The following AGBL4 variants were observed in gnomAD, a reference collection of about 807,000 sequenced individuals.
The protein encoded by AGBL4 is cytosolic carboxypeptidase 6.
In AGBL4, 58 loss-of-function variants were observed where a neutral mutation model predicts 66.4. The observed-to-expected ratio is 0.87, with a 90% confidence interval of 0.71 to 1.09. The LOEUF is 1.09. Among genes scored for constraint, AGBL4 ranks in the 50% least tolerant of loss-of-function variants. The pLI is 0.00. For missense variants in AGBL4, 579 were observed against 631.0 expected, an observed-to-expected ratio of 0.92 and a Z score of 0.88; for synonymous variants, 234 against 222.9, an observed-to-expected ratio of 1.05 and a Z score of -0.44.
At chr1:49,976,661 A>G (rs748272061) in intron 1 of AGBL4, among the ~76,000 whole-genome samples, 9 of 152,250 alleles carry the variant, frequency 5.9e-5, no homozygotes, top group Non-Finnish European at 1.3e-4. Context: ...TTGTGCTACA[A>G]AATGGCATCA....
intron 5 of AGBL4, among the ~76,000 whole-genome samples, chr1:48,958,849 A>C (rs1352293280): frequency 6.6e-6 from 1 of 152,200 alleles, no homozygotes; most frequent in Non-Finnish European, 1.5e-5. Context: ...GGAGTTCTTA[A>C]CAATTTTTTA....
intron 1 of AGBL4, among the ~76,000 whole-genome samples, chr1:49,942,964 C>A (rs1376450369): frequency 2.0e-5 from 3 of 152,090 alleles, no homozygotes; most frequent in African/African-American, 7.2e-5. Flanking sequence ...CAATATCAAT[C>A]AATAAATAGA....
At chr1:48,992,324 G>A (rs1480744569) in intron 5 of AGBL4, among the ~76,000 whole-genome samples, 1 of 151,672 alleles carries the variant, frequency 6.6e-6, no homozygotes, top group Non-Finnish European at 1.5e-5. Context: ...GGAGACTCTT[G>A]TTCTCTTCCT....
chr1:49,751,574 T>A (rs1651470713), intron 2 of AGBL4, among the ~76,000 whole-genome samples: 2 of 152,176 alleles, frequency 1.3e-5, no homozygotes, highest in Admixed American at 1.3e-4. Context: ...GGTTTTAGTA[T>A]CAGAATGATG....
chr1:49,459,685 C>A (rs2148695942), intron 3 of AGBL4, among the ~76,000 whole-genome samples: 2 of 151,440 alleles, frequency 1.3e-5, no homozygotes, highest in African/African-American at 2.4e-5. Flanking sequence ...GATCTTTGTT[C>A]TTTTCTTCTG....
At position 49,648,334 on chromosome 1, in the gene AGBL4, G is replaced by GA. The variant is rs200604507; in HGVS notation, c.282+48978dup. On this transcript the variant is annotated intron_variant, in intron 3 of 13. Coordinates refer to ENST00000371839, the MANE Select transcript of AGBL4 (RefSeq NM_032785.4). The stretch of plus-strand genomic sequence containing the variant: ...GGAAAAGCAAAGGAAAAAATGACAG[G>GA]AAAAAAAAAAACCAAGAACAGAATA... Among the ~76,000 whole-genome samples, 313 of 141,154 alleles carry GA rather than the reference G, an allele frequency of 2.2e-3. 1 individual carries two copies. The highest frequency in any genetic ancestry group is 0.016 in the South Asian group (70 of 4,462). 92.6% of individuals were successfully genotyped at this position (141,154 alleles called of 152,430 possible).
At chr1:49,237,234 G>C (rs906433263) in intron 4 of AGBL4, among the ~76,000 whole-genome samples, 25 of 151,490 alleles carry the variant, frequency 1.7e-4, no homozygotes, top group African/African-American at 5.1e-4. Flanking sequence ...CTGCACTCCA[G>C]CCTGGGCCAC....
At chr1:49,071,333 G>A (rs985385506) in intron 4 of AGBL4, among the ~76,000 whole-genome samples, 2 of 151,922 alleles carry the variant, frequency 1.3e-5, no homozygotes, top group African/African-American at 2.4e-5. Flanking sequence ...TAATTGTGGT[G>A]TTAGGGTGTC....
In AGBL4 at chr1:49,071,871, G is replaced by A. The variant is rs553537746; in HGVS notation, c.378-26071C>T. ...TTAAAGTCTCCCACTATTATTGTGT[G>A]GGTGTCTAAGTGTCTTTGTATGTCT... On this transcript the variant is annotated intron_variant, in intron 4 of 13. Coordinates refer to ENST00000371839, the MANE Select transcript of AGBL4 (RefSeq NM_032785.4). 2.2e-4 allele frequency among the ~76,000 whole-genome samples: 33 copies of A among 150,084 alleles called. No individual in the cohort carries two copies. The South Asian group carries it at 6.9e-3, about 31-fold the overall frequency.
intron 5 of AGBL4, among the ~76,000 whole-genome samples, chr1:48,887,978 G>A (rs1650538278): frequency 6.6e-6 from 1 of 152,104 alleles, no homozygotes; most frequent in Non-Finnish European, 1.5e-5. Flanking sequence ...ATTCCTCTTG[G>A]AGTTCATGGC....
intron 3 of AGBL4, among the ~76,000 whole-genome samples, chr1:49,441,053 G>C (rs545439364): frequency 2.6e-5 from 4 of 152,194 alleles, no homozygotes; most frequent in African/African-American, 9.6e-5. Flanking sequence ...GCAGTTGCCA[G>C]GCAAAATAAT....
At position 49,441,164 on chromosome 1, in the gene AGBL4, G is replaced by A. The variant is rs141727021; in HGVS notation, c.283-195300C>T. ...CCGGTGGGCCCCTAGGTGTAAGGTC[G>A]AGAGTGTGACCCATAAAGAGTTGTG... On this transcript the variant is annotated intron_variant, in intron 3 of 13. Transcript: ENST00000371839. Among the ~76,000 whole-genome samples the A allele has an allele frequency of 3.1e-3, 471 of 152,250 alleles. 2 individuals are homozygous for A. The highest frequency in any genetic ancestry group is 0.018 in the South Asian group (87 of 4,816).
intron 1 of AGBL4, among the ~76,000 whole-genome samples, chr1:49,975,474 A>G (rs1475327790): frequency 6.6e-6 from 1 of 152,178 alleles, no homozygotes; most frequent in Non-Finnish European, 1.5e-5. Flanking sequence ...CAAGTAACCA[A>G]TGAAATTCCA....
the AGBL4 span, among the ~76,000 whole-genome samples, chr1:48,523,452 T>G: frequency 6.6e-6 from 1 of 152,216 alleles, no homozygotes; most frequent in Non-Finnish European, 1.5e-5. Flanking sequence ...AATTCCATTC[T>G]GTGGGTGAGG....
chr1:48,813,395 T>C (rs924214514), intron 6 of AGBL4, among the ~76,000 whole-genome samples: 4 of 151,992 alleles, frequency 2.6e-5, no homozygotes, highest in African/African-American at 9.7e-5. Context: ...AAATAAGCAA[T>C]GGGAAAATCA....
At chr1:48,872,944 T>C (rs1225183005) in intron 5 of AGBL4, among the ~76,000 whole-genome samples, 1 of 152,136 alleles carries the variant, frequency 6.6e-6, no homozygotes, top group Non-Finnish European at 1.5e-5. Context: ...AATACTAGGA[T>C]TTCCGAGTGC....
At chr1:48,878,520 A>C (rs187524732) in intron 5 of AGBL4, among the ~76,000 whole-genome samples, 1 of 152,302 alleles carries the variant, frequency 6.6e-6, no homozygotes, top group Non-Finnish European at 1.5e-5. Context: ...TTTAATTCCA[A>C]GACCCCTTGT....
intron 2 of AGBL4, among the ~76,000 whole-genome samples, chr1:49,825,120 T>G (rs984998364): frequency 4.6e-5 from 7 of 152,326 alleles, no homozygotes; most frequent in East Asian, 1.9e-4. Context: ...CAATATATTG[T>G]TTTCAAAACA....
At chr1:49,559,868 A>C (rs555291401) in intron 3 of AGBL4, among the ~76,000 whole-genome samples, 1 of 152,102 alleles carries the variant, frequency 6.6e-6, no homozygotes, top group Non-Finnish European at 1.5e-5. Context: ...GTACTTTGTG[A>C]TAGTGTGAGT....
Sources: gnomAD v4.1 joint callset for allele counts (sites outside exome capture counted in the v4.1 genomes callset) on GRCh38, gnomAD v4.1.1 for gene constraint, MANE v1.5 for transcripts, NCBI Gene and HGNC (gene_info 2026-07-23, HGNC 2026-07-21) for gene names.